Variants in RASGRF2 observed in about 807,000 individuals in gnomAD.
The protein encoded by RASGRF2 is ras-specific guanine nucleotide-releasing factor 2.
RASGRF2 carries 76 observed loss-of-function variants against 151.0 expected under a neutral mutation model. The observed-to-expected ratio is 0.50, with a 90% CI of 0.42 to 0.61. RASGRF2 has a LOEUF of 0.61. Among genes scored for constraint, RASGRF2 ranks in the 20% least tolerant of loss-of-function variants. The pLI is 0.00. For missense variants in RASGRF2, 1,148 were observed against 1,564.6 expected (o/e 0.73, Z 4.49); for synonymous variants, 504 against 566.5 (o/e 0.89, Z 1.57).
chr5:81,101,234 G>T (rs1199977092), intron 12 of RASGRF2, among the ~76,000 whole-genome samples: 2 of 152,090 alleles, frequency 1.3e-5, no homozygotes, highest in African/African-American at 4.8e-5. Context: ...ACTGTATACA[G>T]GCACCACTTC....
Position 81,229,233 on chromosome 5 carries a change from A to T in RASGRF2, c.*3463A>T, listed in dbSNP as rs1346542417. The T allele has an allele frequency of 6.6e-6, 1 of 152,206 alleles. No individual in the cohort carries two copies. The highest frequency in any genetic ancestry group is 2.4e-5 in the African/African-American group (1 of 41,452). The allele number at this position is 152,206 out of a possible 1,614,324, so 9.4% of individuals were successfully genotyped here. The stretch of plus-strand genomic sequence containing the variant: ...AAAGTATAAAGGTTTTTAAAAATCC[A>T]ATTGCAAAATGTATTATTTTTACAA... On this transcript the variant is annotated 3_prime_UTR_variant, in exon 27 of 27. Transcript: ENST00000265080.
intron 1 of RASGRF2, among the ~76,000 whole-genome samples, chr5:80,978,560 G>A (rs1206483497): frequency 6.6e-6 from 1 of 152,198 alleles, no homozygotes; most frequent in Admixed American, 6.6e-5. Context: ...GCTGAGGTGG[G>A]CAGATCACCT....
intron 26 of RASGRF2, among the ~76,000 whole-genome samples, chr5:81,220,271 A>G (rs567482081): frequency 6.6e-6 from 1 of 152,264 alleles, no homozygotes; most frequent in South Asian, 2.1e-4. Context: ...GGTTCAGTTC[A>G]CATCATATAC....
At chr5:81,107,706 A>C (rs922950644) in intron 12 of RASGRF2, among the ~76,000 whole-genome samples, 1 of 152,216 alleles carries the variant, frequency 6.6e-6, no homozygotes, top group Non-Finnish European at 1.5e-5. Context: ...GTGTTTTTGT[A>C]ATCCACTCGT....
intron 1 of RASGRF2, among the ~76,000 whole-genome samples, chr5:80,991,912 T>C (rs913059959): frequency 6.6e-6 from 1 of 152,154 alleles, no homozygotes; most frequent in Non-Finnish European, 1.5e-5. Context: ...AGTGCTGCCA[T>C]GGCAGGTGAA....
rs1752047755 is a variant in RASGRF2 at position 81,080,207 on chromosome 5, G to A, written c.967+7G>A. The A allele has an allele frequency of 6.3e-7, 1 of 1,593,940 alleles. No homozygotes were observed. The highest frequency in any genetic ancestry group is 8.5e-7 in the Non-Finnish European group (1 of 1,175,706). ...TGGCCCACTTTAATTTTAGGTAAGT[G>A]CATTCTTTAAAGGTGTAAGATTTTC... On this transcript the variant is annotated splice_region_variant and intron_variant, in intron 6 of 26. Transcript: ENST00000265080.
intron 2 of RASGRF2, among the ~76,000 whole-genome samples, chr5:81,048,546 T>A (rs892711630): frequency 2.0e-5 from 3 of 152,202 alleles, no homozygotes; most frequent in African/African-American, 4.8e-5. Context: ...AACTTCTCAG[T>A]GTTTTTGTTT....
intron 1 of RASGRF2, among the ~76,000 whole-genome samples, chr5:81,015,698 A>G (rs1362777215): frequency 1.3e-5 from 2 of 152,178 alleles, no homozygotes; most frequent in African/African-American, 2.4e-5. Flanking sequence ...TCATGAGCAT[A>G]TGACATTTTG....
At chr5:80,990,484 C>A (rs1033191846) in intron 1 of RASGRF2, among the ~76,000 whole-genome samples, 1 of 152,132 alleles carries the variant, frequency 6.6e-6, no homozygotes, top group Non-Finnish European at 1.5e-5. Context: ...CATTGCTAAG[C>A]CAAAAAATTT....
chr5:81,113,507 A>G (rs1212430895), intron 14 of RASGRF2, 31 bp from the exon 15 acceptor site: 2 of 1,563,612 alleles, frequency 1.3e-6, no homozygotes, highest in Admixed American at 3.4e-5. Flanking sequence ...CTTGGCTACA[A>G]TCTCTTAGCC....
At chr5:80,995,912 C>G (rs1455531752) in intron 1 of RASGRF2, among the ~76,000 whole-genome samples, 2 of 151,950 alleles carry the variant, frequency 1.3e-5, no homozygotes, top group African/African-American at 2.4e-5. Context: ...AGGCTGGTCT[C>G]GAACTCCTGA....
rs952287169 is a variant in RASGRF2, at chr5:81,229,322, G to A, written c.*3552G>A. The A allele has an allele frequency of 2.0e-5, 3 of 152,168 alleles. No homozygotes were observed. Among genetic ancestry groups the A allele is most frequent in the Non-Finnish European group, 4.4e-5 (3 of 68,020 alleles). The allele number at this position is 152,168 out of a possible 1,614,324, so 9.4% of individuals were successfully genotyped here. ...CTGAAGGGTATAGCCAGGCTAATGT[G>A]CACAGAGGGAATCAATAAATAAAAC... On this transcript the variant is annotated 3_prime_UTR_variant, in exon 27 of 27. Coordinates refer to ENST00000265080, the MANE Select transcript of RASGRF2 (RefSeq NM_006909.3).
At chr5:81,128,489 T>C (rs987649356) in intron 17 of RASGRF2, among the ~76,000 whole-genome samples, 22 of 152,248 alleles carry the variant, frequency 1.4e-4, no homozygotes, top group Admixed American at 4.6e-4. Flanking sequence ...AGAAACTCTT[T>C]ATCAGAGAAG....
intron 1 of RASGRF2, among the ~76,000 whole-genome samples, chr5:80,977,469 A>ATTTATTTATTTG (rs1477454623): frequency 6.6e-6 from 1 of 151,974 alleles, no homozygotes; most frequent in Non-Finnish European, 1.5e-5. Context: ...TTATTTATTT[A>ATTTATTTATTTG]TTTATTTATT....
At chr5:81,012,370 A>G (rs1402295690) in intron 1 of RASGRF2, among the ~76,000 whole-genome samples, 2 of 152,130 alleles carry the variant, frequency 1.3e-5, no homozygotes, top group Non-Finnish European at 2.9e-5. Context: ...CTTGCTGAAC[A>G]GTTTTCCAGT....
chr5:81,201,377 A>T lies in RASGRF2; in HGVS notation c.2841A>T (p.Leu947=). 1 of 1,614,002 alleles carries T rather than the reference A, an allele frequency of 6.2e-7. No homozygotes were observed. Among genetic ancestry groups the T allele is most frequent in the African/African-American group, 1.3e-5 (1 of 75,040 alleles). The part of the protein sequence containing the change: ...NELKMNVLNL[L]EEVLRDPDLL... ...TAAAGATGAATGTCCTAAATTTGCT[A>T]GAAGAAGTTTTGCGAGACCCAGACC... The change falls in exon 19 of 27, where the codon CTA becomes CTT. Residue 947 remains leucine (L), a synonymous_variant. Transcript: ENST00000265080.
chr5:80,961,295 C>T (rs1357350949), intron 1 of RASGRF2, among the ~76,000 whole-genome samples: 2 of 152,212 alleles, frequency 1.3e-5, no homozygotes, highest in Admixed American at 1.3e-4. Context: ...GAGGTCGAGT[C>T]GTTTCAGCTT....
intron 7 of RASGRF2, 58 bp downstream of exon 7, chr5:81,080,847 C>A: frequency 1.4e-6 from 2 of 1,462,260 alleles, no homozygotes; most frequent in South Asian, 2.5e-5. Flanking sequence ...GTCACTGATA[C>A]CTAGCGTGAC....
In RASGRF2 at chr5:81,054,441, TG is replaced by T. The variant is rs1242245019; in HGVS notation, c.395+11462del. Among the ~76,000 whole-genome samples, 42 of 137,690 alleles carry T rather than the reference TG, an allele frequency of 3.1e-4. No homozygotes were observed. In the East Asian group the frequency reaches 7.8e-3, roughly 26 times the overall value. The allele number at this position is 137,690 out of a possible 152,430, so 90.3% of individuals were successfully genotyped here. ...GTCAAAGATCAGATGGTTGTAGATG[TG>T]GGGTATTATTTCTGAGAGCTCCGTT... On this transcript the variant is annotated intron_variant, in intron 2 of 26. Transcript: ENST00000265080.
Sources: allele counts gnomAD v4.1 joint callset (sites outside exome capture counted in the v4.1 genomes callset), GRCh38; gene constraint gnomAD v4.1.1; transcripts MANE v1.5; gene names NCBI Gene and HGNC (gene_info 2026-07-23, HGNC 2026-07-21).